MS4A6A: variants seen among roughly 807,000 people sequenced by gnomAD.
MS4A6A encodes membrane spanning 4-domains A6A.
MS4A6A carries 19 observed loss-of-function variants against 20.6 expected under a neutral mutation model. The observed-to-expected ratio is 0.92, with a 90% CI of 0.64 to 1.36. The LOEUF is 1.36. MS4A6A is among the 40% of genes most tolerant of loss of function. MS4A6A has a pLI of 0.00. For synonymous variants in MS4A6A, 108 were observed against 105.0 expected, an observed-to-expected ratio of 1.03 and a Z score of -0.17; for missense variants, 272 against 261.1, an observed-to-expected ratio of 1.04 and a Z score of -0.29.
intron 2 of MS4A6A, chr11:60,180,175 G>C (rs1857059087): frequency 3.4e-6 from 2 of 590,052 alleles, no homozygotes; most frequent in African/African-American, 3.7e-5. Flanking sequence ...CAGGTGTCTG[G>C]CAGGTGCTCA....
intron 1 of MS4A6A, chr11:60,182,421 T>C (rs1377808976): frequency 1.3e-5 from 2 of 152,306 alleles, no homozygotes; most frequent in African/African-American, 4.8e-5. Context: ...AAAACCAGTC[T>C]TGGATCTCAG....
chr11:60,178,987 G>C (rs1011922499), intron 3 of MS4A6A, among the ~76,000 whole-genome samples: 2 of 152,196 alleles, frequency 1.3e-5, no homozygotes, highest in Admixed American at 1.3e-4. Flanking sequence ...ATGTAATGTA[G>C]TGTAATGTAG....
chr11:60,178,328 G>T lies in MS4A6A; in HGVS notation c.283-12C>A. Reference sequence around the variant, plus strand: ...CCAGAGATGATAAACTAAGATAAAAGAGAAAATGGTCAGGTCAGATTCCAT... The same window carrying T: ...CCAGAGATGATAAACTAAGATAAAATAGAAAATGGTCAGGTCAGATTCCAT... On this transcript the variant is annotated splice_polypyrimidine_tract_variant and intron_variant, in intron 3 of 5. Transcript: ENST00000528851. 6.2e-7 allele frequency: 1 copy of T among 1,612,554 alleles called. No homozygotes were observed. Among genetic ancestry groups the T allele is most frequent in the African/African-American group, 1.3e-5 (1 of 74,958 alleles).
At chr11:60,179,780 A>G (rs1274232431) in intron 3 of MS4A6A, 51 bp downstream of exon 3, 5 of 1,609,348 alleles carry the variant, frequency 3.1e-6, no homozygotes. Context: ...AGCTATTGGC[A>G]TCTTCCTCCC....
At chr11:60,180,304 G>A (rs769306732) in intron 2 of MS4A6A, 1 of 276,300 alleles carries the variant, frequency 3.6e-6, no homozygotes, top group Non-Finnish European at 6.8e-6. Flanking sequence ...TCCATGACTA[G>A]TTAACTCTCT....
intron 2 of MS4A6A, 52 bp downstream of exon 2, chr11:60,181,529 T>A: frequency 1.2e-6 from 2 of 1,605,176 alleles, no homozygotes. Context: ...ACATATATCA[T>A]CTCTTGGCAC....
chr11:60,174,599 T>C (rs1283878994), intron 5 of MS4A6A, among the ~76,000 whole-genome samples: 1 of 152,174 alleles, frequency 6.6e-6, no homozygotes, highest in Non-Finnish European at 1.5e-5. Flanking sequence ...GCTTGTATTA[T>C]AGGGGTGAGC....
At chr11:60,178,722 A>T (rs1433027848) in intron 3 of MS4A6A, 5 of 385,086 alleles carry the variant, frequency 1.3e-5, no homozygotes, top group Non-Finnish European at 2.5e-5. Context: ...CACATAATCA[A>T]GGTTAATTGT....
chr11:60,171,887 TTCTGCC>T, downstream of MS4A6A: 1 of 269,690 alleles, frequency 3.7e-6, no homozygotes, highest in South Asian at 7.0e-5. Flanking sequence ...GGAATGATCA[TTCTGCC>T]TTGTTTTCTG....
At chr11:60,182,805 G>A in intron 1 of MS4A6A, 173 bp downstream of exon 1, 1 of 200,738 alleles carries the variant, frequency 5.0e-6, no homozygotes, top group Non-Finnish European at 9.9e-6. Flanking sequence ...TATGCAATTA[G>A]AATACAGCGG....
At chr11:60,179,125 G>A (rs1010773895) in intron 3 of MS4A6A, among the ~76,000 whole-genome samples, 1 of 152,110 alleles carries the variant, frequency 6.6e-6, no homozygotes, top group Non-Finnish European at 1.5e-5. Context: ...TGGACTTCTT[G>A]GTGCATCAAA....
rs144833828 is a variant in MS4A6A, at chr11:60,180,444, C to T, written c.148-479G>A. 1.1e-4 allele frequency: 18 copies of T among 160,106 alleles called. 1 individual carries two copies. In the East Asian group the frequency reaches 2.1e-3, roughly 18 times the overall value. The allele number at this position is 160,106 out of a possible 1,614,324, so 9.9% of individuals were successfully genotyped here. A position where few individuals can be genotyped will look rare whatever the true frequency, so the allele number is the denominator to read the frequency against. On this transcript the variant is annotated intron_variant, in intron 2 of 5. Transcript: ENST00000528851. Reference sequence around the variant, plus strand: ...GAGTTTGCCCCTTTGGTCACTTCCTCGGAAACTGCAGTTCACAACCCTATA... The same window carrying T: ...GAGTTTGCCCCTTTGGTCACTTCCTTGGAAACTGCAGTTCACAACCCTATA...
intron 1 of MS4A6A, 119 bp from the exon 2 acceptor site, chr11:60,181,860 G>T (rs1857153882): frequency 1.1e-6 from 1 of 947,454 alleles, no homozygotes; most frequent in Non-Finnish European, 1.6e-6. Flanking sequence ...ATTAGAGAAA[G>T]AAACTGATAG....
intron 2 of MS4A6A, chr11:60,180,213 G>A: frequency 1.8e-6 from 1 of 541,962 alleles, no homozygotes; most frequent in Admixed American, 3.4e-5. Context: ...CTGCCTCTCA[G>A]GCCCTGGTCT....
chr11:60,173,411 T>A (rs1012493694), intron 5 of MS4A6A, among the ~76,000 whole-genome samples: 1 of 152,230 alleles, frequency 6.6e-6, no homozygotes, highest in Non-Finnish European at 1.5e-5. Flanking sequence ...ATAGTTCTGA[T>A]GACATTGTTC....
At position 60,181,574 on chromosome 11, in the gene MS4A6A, G is replaced by A. The variant is rs1171515941; in HGVS notation, c.147+7C>T. On this transcript the variant is annotated splice_region_variant and intron_variant, in intron 2 of 5. Transcript: ENST00000528851. The stretch of plus-strand genomic sequence containing the variant: ...CCCCTCTCCAACACGTTCTGAATTA[G>A]ATTTACCCCAATAACTTTGATTTCT... The A allele has an allele frequency of 1.9e-6, 3 of 1,613,908 alleles. No homozygotes were observed. Among genetic ancestry groups the A allele is most frequent in the South Asian group, 1.1e-5 (1 of 91,070 alleles).
intron 4 of MS4A6A, 21 bp from the exon 5 acceptor site, chr11:60,175,632 A>G: frequency 6.2e-7 from 1 of 1,609,800 alleles, no homozygotes; most frequent in African/African-American, 1.3e-5. Flanking sequence ...AATGTTGGGT[A>G]AGGATCATTG....
intron 4 of MS4A6A, 88 bp downstream of exon 4, chr11:60,178,172 T>C (rs1163294117): frequency 1.6e-6 from 2 of 1,280,492 alleles, no homozygotes; most frequent in East Asian, 4.6e-5. Flanking sequence ...AGTTTTCAAC[T>C]TTTCAAAGTA....
At chr11:60,175,225 T>G (rs1425304577) in intron 5 of MS4A6A, among the ~76,000 whole-genome samples, 177 bp downstream of exon 5, 3 of 152,230 alleles carry the variant, frequency 2.0e-5, no homozygotes, top group Non-Finnish European at 2.9e-5. Context: ...TTCCACTCTA[T>G]TAGTATGTAA....
Sources: allele counts gnomAD v4.1 joint callset (sites outside exome capture counted in the v4.1 genomes callset), GRCh38; gene constraint gnomAD v4.1.1; transcripts MANE v1.5; gene names NCBI Gene and HGNC (gene_info 2026-07-23, HGNC 2026-07-21).